The following ZBTB20 variants were observed in gnomAD, a reference collection of about 807,000 sequenced individuals.
The protein encoded by ZBTB20 is zinc finger and BTB domain containing 20.
In ZBTB20, 9 loss-of-function variants were observed where a neutral mutation model predicts 56.9. The observed-to-expected ratio is 0.16, with a 90% CI of 0.10 to 0.28. ZBTB20 has a LOEUF of 0.28. Among genes scored for constraint, ZBTB20 ranks in the 10% least tolerant of loss-of-function variants. ZBTB20 has a pLI of 1.00. For missense variants in ZBTB20, 655 were observed against 1,003.0 expected, an observed-to-expected ratio of 0.65 and a Z score of 4.69; for synonymous variants, 417 against 420.7, an observed-to-expected ratio of 0.99 and a Z score of 0.11.
At chr3:115,096,432 C>T (rs2083381805) in intron 1 of ZBTB20, among the ~76,000 whole-genome samples, 1 of 152,110 alleles carries the variant, frequency 6.6e-6, no homozygotes, top group Non-Finnish European at 1.5e-5. Flanking sequence ...AAACATGTCT[C>T]CCACCAAAAA....
At position 114,328,546 on chromosome 3, in the gene ZBTB20, C is replaced by G. The variant is rs895325059; in HGVS notation, c.*10459G>C. On this transcript the variant is annotated 3_prime_UTR_variant, in exon 12 of 12. Transcript: ENST00000675478. ...ATTTTTCTCTTCATTTTTGGCCAAACGTGAAGGTAAGGGGAATTAATGACC... is the reference window on the plus strand; with the variant it reads ...ATTTTTCTCTTCATTTTTGGCCAAAGGTGAAGGTAAGGGGAATTAATGACC... The G allele has an allele frequency of 1.3e-5, 2 of 150,904 alleles. No individual in the cohort carries two copies. The highest frequency in any genetic ancestry group is 4.9e-5 in the African/African-American group (2 of 41,052). 9.3% of individuals were successfully genotyped at this position (150,904 alleles called of 1,614,324 possible). A position where few individuals can be genotyped will look rare whatever the true frequency, so the allele number is the denominator to read the frequency against.
chr3:114,666,428 G>C (rs1248068407), intron 6 of ZBTB20, among the ~76,000 whole-genome samples: 2 of 152,020 alleles, frequency 1.3e-5, no homozygotes, highest in African/African-American at 4.8e-5. Flanking sequence ...TCTGAATACA[G>C]TTAATTCACC....
intron 5 of ZBTB20, among the ~76,000 whole-genome samples, chr3:114,748,894 T>C (rs1578682638): frequency 6.6e-6 from 1 of 152,194 alleles, no homozygotes; most frequent in African/African-American, 2.4e-5. Context: ...AATGCTTTAA[T>C]TGCCCACTTT....
chr3:114,809,533 G>A (rs1459634135), intron 4 of ZBTB20, among the ~76,000 whole-genome samples: 3 of 151,760 alleles, frequency 2.0e-5, no homozygotes, highest in African/African-American at 7.3e-5. Context: ...TAACACTTAT[G>A]TTTATATTGA....
chr3:114,587,846 T>C (rs1204193119), intron 6 of ZBTB20, among the ~76,000 whole-genome samples: 1 of 152,222 alleles, frequency 6.6e-6, no homozygotes, highest in African/African-American at 2.4e-5. Flanking sequence ...GAGAAGATTC[T>C]AGCTCTATCT....
At chr3:114,746,697 G>T (rs1181611512) in intron 5 of ZBTB20, among the ~76,000 whole-genome samples, 9 of 152,112 alleles carry the variant, frequency 5.9e-5, no homozygotes, top group African/African-American at 2.2e-4. Flanking sequence ...TTATAAGGAG[G>T]GTTTTGTTTG....
At chr3:114,480,826 T>C (rs1249512451) in intron 7 of ZBTB20, among the ~76,000 whole-genome samples, 1 of 152,150 alleles carries the variant, frequency 6.6e-6, no homozygotes, top group Non-Finnish European at 1.5e-5. Flanking sequence ...GGTCATTTTT[T>C]TTTTTTTAAA....
chr3:114,738,787 C>T (rs1174887026), intron 5 of ZBTB20, among the ~76,000 whole-genome samples: 1 of 152,126 alleles, frequency 6.6e-6, no homozygotes, highest in East Asian at 1.9e-4. Context: ...AAAACTAAAA[C>T]AGGCAAACGT....
At chr3:114,952,616 G>C (rs1421830783) in intron 3 of ZBTB20, among the ~76,000 whole-genome samples, 1 of 151,604 alleles carries the variant, frequency 6.6e-6, no homozygotes, top group East Asian at 1.9e-4. Context: ...ATCAATCTCT[G>C]GATACATTAA....
At chr3:115,051,773 T>C (rs2081558328) in intron 2 of ZBTB20, among the ~76,000 whole-genome samples, 1 of 152,188 alleles carries the variant, frequency 6.6e-6, no homozygotes, top group African/African-American at 2.4e-5. Flanking sequence ...GAACTACCTC[T>C]GATTGGGTAG....
At chr3:114,573,570 AAG>A (rs1295052487) in intron 6 of ZBTB20, among the ~76,000 whole-genome samples, 1 of 151,726 alleles carries the variant, frequency 6.6e-6, no homozygotes, top group African/African-American at 2.4e-5. Context: ...AAAAAGAAAA[AAG>A]AGAAAAAGGA....
At chr3:114,346,070 G>T (rs1191405945) in intron 11 of ZBTB20, among the ~76,000 whole-genome samples, 1 of 152,144 alleles carries the variant, frequency 6.6e-6, no homozygotes, top group Non-Finnish European at 1.5e-5. Flanking sequence ...TAGAGATAAG[G>T]AAGTCCTCCG....
At chr3:114,425,378 C>T (rs557114400) in intron 7 of ZBTB20, among the ~76,000 whole-genome samples, 2 of 152,306 alleles carry the variant, frequency 1.3e-5, no homozygotes, top group East Asian at 3.9e-4. Context: ...GTTGTCTCTG[C>T]TTACTTCGAC....
intron 7 of ZBTB20, among the ~76,000 whole-genome samples, chr3:114,390,577 C>T (rs2085755677): frequency 1.3e-5 from 2 of 152,200 alleles, no homozygotes. Context: ...TGTAGACATT[C>T]CTCTAGATCC....
chr3:114,364,260 T>A (rs2082169408), intron 10 of ZBTB20, among the ~76,000 whole-genome samples: 1 of 152,182 alleles, frequency 6.6e-6, no homozygotes, highest in South Asian at 2.1e-4. Context: ...GAGACCAGCC[T>A]AGCCAACATG....
chr3:114,876,762 C>T (rs1223653379), intron 4 of ZBTB20, among the ~76,000 whole-genome samples: 2 of 152,152 alleles, frequency 1.3e-5, no homozygotes, highest in African/African-American at 2.4e-5. Context: ...CCTACCATAG[C>T]CAACCATCTG....
chr3:114,504,565 CATGG>C (rs2044381668), intron 6 of ZBTB20, among the ~76,000 whole-genome samples: 1 of 152,198 alleles, frequency 6.6e-6, no homozygotes, highest in Non-Finnish European at 1.5e-5. Context: ...TTCTTGTCCT[CATGG>C]AACTTCCGGT....
intron 10 of ZBTB20, among the ~76,000 whole-genome samples, chr3:114,370,312 T>C (rs1335046647): frequency 6.6e-6 from 1 of 152,250 alleles, no homozygotes; most frequent in Non-Finnish European, 1.5e-5. Flanking sequence ...TTTGTAATAG[T>C]TGCTTTCCCA....
intron 10 of ZBTB20, among the ~76,000 whole-genome samples, chr3:114,353,217 G>A (rs1463894036): frequency 6.6e-6 from 1 of 152,170 alleles, no homozygotes; most frequent in Non-Finnish European, 1.5e-5. Context: ...CCCAAGCACT[G>A]ATTGTTGGCC....
Sources: allele counts gnomAD v4.1 joint callset (sites outside exome capture counted in the v4.1 genomes callset), GRCh38; gene constraint gnomAD v4.1.1; transcripts MANE v1.5; gene names NCBI Gene and HGNC (gene_info 2026-07-23, HGNC 2026-07-21).